Variants in MYH13 observed in about 807,000 individuals in gnomAD.
MYH13 encodes the protein myosin heavy chain 13.
In MYH13, 177 loss-of-function variants were observed where a neutral mutation model predicts 232.1. The ratio of observed to expected loss-of-function variants is 0.76; its 90% CI spans 0.67 to 0.86. The LOEUF (loss-of-function observed/expected upper bound fraction) is 0.86. Ranked by LOEUF, MYH13 falls within the 40% of genes least tolerant of loss-of-function variation. The pLI, the probability that MYH13 is intolerant of heterozygous loss-of-function variation, is 0.00. For synonymous variants in MYH13, 884 were observed against 923.5 expected (o/e 0.96, Z 0.78); for missense variants, 2,246 against 2,405.9 (o/e 0.93, Z 1.39).
At chr17:10,338,174 T>C (rs1401663816) in intron 18 of MYH13, among the ~76,000 whole-genome samples, 1 of 152,204 alleles carries the variant, frequency 6.6e-6, no homozygotes. Context: ...CACAAGCATG[T>C]TTGATTTATG....
At position 10,304,244 on chromosome 17, in the gene MYH13, T is replaced by TAATAA. The variant is rs1906202553; in HGVS notation, c.5467-747_5467-746insTTATT. On this transcript the variant is annotated intron_variant, in intron 37 of 40. Coordinates refer to ENST00000252172, the MANE Select transcript of MYH13 (RefSeq NM_003802.3). The surrounding 1 kb of genome is among the most constrained non-coding windows in gnomAD (Gnocchi z 5.3). ...AATAAACCTGCACGTTCTGCACATG[T>TAATAA]ACCCCAGAACTTAAAGTTAGAACAA... Among the ~76,000 whole-genome samples, 1 of 152,218 alleles carries TAATAA rather than the reference T, an allele frequency of 6.6e-6. No homozygotes were observed. Among genetic ancestry groups the TAATAA allele is most frequent in the African/African-American group, 2.4e-5 (1 of 41,456 alleles).
chr17:10,316,899 G>T (rs1906735267), intron 27 of MYH13, among the ~76,000 whole-genome samples: 1 of 152,222 alleles, frequency 6.6e-6, no homozygotes, highest in Admixed American at 6.5e-5. Flanking sequence ...TGAGATGGCA[G>T]TGGAGGAAGC....
chr17:10,345,131 A>T (rs950637342), intron 15 of MYH13, 71 bp downstream of exon 15: 1 of 1,612,434 alleles, frequency 6.2e-7, no homozygotes, highest in Non-Finnish European at 8.5e-7. Flanking sequence ...CTGTGAGCAG[A>T]AAAGAATCAG....
intron 22 of MYH13, among the ~76,000 whole-genome samples, chr17:10,326,711 T>TTGTG (rs1439311703): frequency 6.6e-6 from 1 of 151,724 alleles, no homozygotes; most frequent in Admixed American, 6.6e-5. Context: ...TCTCCTGACC[T>TTGTG]TGTGATCTGC....
At chr17:10,351,881 G>A (rs1479930180) in intron 11 of MYH13, among the ~76,000 whole-genome samples, 1 of 152,154 alleles carries the variant, frequency 6.6e-6, no homozygotes, top group Admixed American at 6.5e-5. Flanking sequence ...GACGTGTTTG[G>A]TGAGCACGTA....
At position 10,301,671 on chromosome 17, in the gene MYH13, G is replaced by T; in HGVS notation, c.5700C>A (p.Cys1900Ter). 1 of 1,614,002 alleles carries T rather than the reference G, an allele frequency of 6.2e-7. No homozygotes were observed. Among genetic ancestry groups the T allele is most frequent in the Non-Finnish European group, 8.5e-7 (1 of 1,180,016 alleles). The change falls in exon 40 of 41, where the codon TGC (cysteine) becomes TGA (stop). Residue 1900 changes from cysteine (C) to a stop codon, truncating the protein, a stop_gained. Coordinates refer to ENST00000252172, the MANE Select transcript of MYH13 (RefSeq NM_003802.3). LOFTEE classifies it high-confidence loss of function. ...EEQANTQLSR[C>*]RRVQHELEEA... ...CCTCTAGCTCATGCTGGACTCTCCG[G>T]CATCTGGACAGCTGCGTGTTGGCCT...
At chr17:10,301,190 G>A (rs1270745983) in intron 40 of MYH13, among the ~76,000 whole-genome samples, 5 of 152,162 alleles carry the variant, frequency 3.3e-5, no homozygotes, top group Non-Finnish European at 7.4e-5. Flanking sequence ...TAGCAACAGG[G>A]ACAGACAGGG....
In MYH13 at chr17:10,330,405, T is replaced by A; in HGVS notation, c.2417A>T (p.Lys806Met). 1 of 1,613,554 alleles carries A rather than the reference T, an allele frequency of 6.2e-7. No homozygotes were observed. Among genetic ancestry groups the A allele is most frequent in the Non-Finnish European group, 8.5e-7 (1 of 1,179,674 alleles). Reference sequence around the variant, plus strand: ...GTGTCACCTCCTCTCCATCATCTTCTTGAACTCCACCCGCATCAGGTACCC... The same window carrying A: ...GTGTCACCTCCTCTCCATCATCTTCATGAACTCCACCCGCATCAGGTACCC... ...CRGYLMRVEF[K>M]KMMERRDSIF... Residue 806 changes from lysine to methionine, a missense_variant, in exon 21 of 41, where the codon AAG becomes ATG. By Grantham distance (95) the Lys-to-Met change is moderately conservative (BLOSUM62 -1). Coordinates refer to ENST00000252172, the MANE Select transcript of MYH13 (RefSeq NM_003802.3).
rs371213328 is a variant in MYH13 at position 10,357,833 on chromosome 17, A to G, written c.646-6T>C. 241 of 1,610,340 alleles carry G rather than the reference A, an allele frequency of 1.5e-4. No homozygotes were observed. Among genetic ancestry groups the G allele is most frequent in the Non-Finnish European group, 1.7e-4 (200 of 1,177,892 alleles). On this transcript the variant is annotated splice_region_variant and splice_polypyrimidine_tract_variant and intron_variant, in intron 7 of 40. Coordinates refer to ENST00000252172, the MANE Select transcript of MYH13 (RefSeq NM_003802.3). ...ATCTGATCCTCTAGGGTTCCCTAATAATAAACAAGAAGAGGAAAAAGAGGA... is the reference window on the plus strand; with the variant it reads ...ATCTGATCCTCTAGGGTTCCCTAATGATAAACAAGAAGAGGAAAAAGAGGA...
chr17:10,318,440 C>G (rs1458878792), intron 27 of MYH13, among the ~76,000 whole-genome samples: 4 of 152,116 alleles, frequency 2.6e-5, no homozygotes, highest in Non-Finnish European at 5.9e-5. Context: ...TTGTTCACCC[C>G]TTCTACCACA....
At chr17:10,301,724 G>C (rs1220156915) in intron 39 of MYH13, 21 bp from the exon 40 acceptor site, 3 of 1,611,568 alleles carry the variant, frequency 1.9e-6, no homozygotes, top group Admixed American at 3.3e-5. Context: ...GACAGAGGGG[G>C]TATGACGCTG....
intron 3 of MYH13, 80 bp from the exon 4 acceptor site, chr17:10,362,583 G>A: frequency 6.4e-7 from 1 of 1,559,262 alleles, no homozygotes; most frequent in Non-Finnish European, 8.8e-7. Flanking sequence ...GGTGGAAGTA[G>A]TGAGATATTG....
In MYH13 at chr17:10,306,512, C is replaced by T; in HGVS notation, c.5413G>A (p.Glu1805Lys). 5 of 1,614,110 alleles carry T rather than the reference C, an allele frequency of 3.1e-6. No homozygotes were observed. Among genetic ancestry groups the T allele is most frequent in the Non-Finnish European group, 4.2e-6 (5 of 1,180,022 alleles). Residue 1805 changes from glutamate (E) to lysine (K), a missense_variant, in exon 37 of 41, where the codon GAA (glutamate) becomes AAA (lysine). Coordinates refer to ENST00000252172, the MANE Select transcript of MYH13 (RefSeq NM_003802.3). This position sits in a 1 kb window ranked among gnomAD's most constrained non-coding sequence, Gnocchi z 4.3. Reference protein sequence around the residue: ...KDLQHRLDEAEQLALKGGKKQ... With the variant: ...KDLQHRLDEAKQLALKGGKKQ... ...TTCCCGCCCTTCAGCGCCAGTTGTT[C>T]AGCCTCATCTAGACGGTGCTGCAGG...
chr17:10,322,837 G>A (rs919539157), intron 23 of MYH13, among the ~76,000 whole-genome samples: 2 of 151,984 alleles, frequency 1.3e-5, no homozygotes, highest in South Asian at 4.2e-4. Flanking sequence ...GTTTCACCAT[G>A]TTAGCCAGGA....
At chr17:10,333,634 C>T (rs542513437) in intron 18 of MYH13, among the ~76,000 whole-genome samples, 5 of 152,274 alleles carry the variant, frequency 3.3e-5, no homozygotes, top group African/African-American at 9.6e-5. Flanking sequence ...CGGCTGGGCG[C>T]GGTGGCTCAT....
rs777846745 is a variant in MYH13, at chr17:10,306,460, C to A, written c.5465G>T (p.Arg1822Leu). Residue 1822 changes from arginine (R) to leucine (L), a missense_variant and splice_region_variant, in exon 37 of 41, where the codon CGG (arginine) becomes CTG (leucine). Physicochemically the swap from Arg to Leu is moderately radical, Grantham distance 102. Coordinates refer to ENST00000252172, the MANE Select transcript of MYH13 (RefSeq NM_003802.3). The surrounding 1 kb of genome is among the most constrained non-coding windows in gnomAD (Gnocchi z 4.3). ...GKKQIQKLEN[R>L]VRELENELDV... ...TAACAGTCCTCTCAAAAACTCTACC[C>A]GGTTCTCCAGTTTCTGGATCTGCTT... The A allele has an allele frequency of 6.2e-7, 1 of 1,614,114 alleles. No individual in the cohort carries two copies. The highest frequency in any genetic ancestry group is 2.2e-5 in the East Asian group (1 of 44,886).
rs758069349 is a variant in MYH13, at chr17:10,364,482, G to A, written c.49C>T (p.Leu17Phe). 1.2e-6 allele frequency: 2 copies of A among 1,610,640 alleles called. No individual in the cohort carries two copies. The highest frequency in any genetic ancestry group is 1.7e-6 in the Non-Finnish European group (2 of 1,178,380). ...ATTCTCTCCTTCTCTGGTTTCCGGA[G>A]GTAGGGAGCTGCTTCTCCAAAAATG... Reference protein sequence around the residue: ...MAIFGEAAPYLRKPEKERIEA... With the variant: ...MAIFGEAAPYFRKPEKERIEA... Residue 17 changes from leucine (L) to phenylalanine (F), a missense_variant, in exon 3 of 41, where the codon CTC (leucine) becomes TTC (phenylalanine). Leu to Phe is a conservative substitution (Grantham distance 22). Transcript: ENST00000252172.
At position 10,357,820 on chromosome 17, in the gene MYH13, AG is replaced by A. The variant is rs1266506292; in HGVS notation, c.652del (p.Leu218Ter). ...GTTGGCCTGGATGATCTGATCCTCT[AG>A]GGTTCCCTAATAATAAACAAGAAGA... ...ETQPGKMQGT[L>X]EDQIIQANPL... On this transcript the variant is annotated frameshift_variant, in exon 8 of 41. Coordinates refer to ENST00000252172, the MANE Select transcript of MYH13 (RefSeq NM_003802.3). LOFTEE classifies it high-confidence loss of function. 2 of 1,613,236 alleles carry A rather than the reference AG, an allele frequency of 1.2e-6. No individual in the cohort carries two copies. The highest frequency in any genetic ancestry group is 1.7e-6 in the Non-Finnish European group (2 of 1,179,526).
chr17:10,303,202 C>T lies in MYH13; in HGVS notation c.5661G>A (p.Glu1887=), dbSNP rs1906158578. 3.1e-6 allele frequency: 5 copies of T among 1,612,804 alleles called. No homozygotes were observed. Among genetic ancestry groups the T allele is most frequent in the African/African-American group, 1.3e-5 (1 of 74,862 alleles). Residue 1887 remains glutamate, a synonymous_variant, in exon 39 of 41, where the codon GAG becomes GAA. Coordinates refer to ENST00000252172, the MANE Select transcript of MYH13 (RefSeq NM_003802.3). ...GGGGACCTCCTGTGCTTACCGCCTC[C>T]TCAGCCTGCCTCTTGTAAGACTTCA... is the stretch of plus-strand genomic sequence containing the variant. The part of the protein sequence containing the change: ...AKVKSYKRQA[E]EAEEQANTQL...
Sources: allele counts gnomAD v4.1 joint callset (sites outside exome capture counted in the v4.1 genomes callset), GRCh38; gene constraint gnomAD v4.1.1; non-coding constraint Gnocchi (gnomAD v3.1); transcripts MANE v1.5; gene names NCBI Gene and HGNC (gene_info 2026-07-23, HGNC 2026-07-21).